Variants in PPFIA2 observed in about 807,000 individuals in gnomAD.
PPFIA2 encodes liprin-alpha-2.
A neutral mutation model predicts 175.5 loss-of-function variants in PPFIA2; 46 were observed. The ratio of observed to expected loss-of-function variants is 0.26; its 90% CI spans 0.21 to 0.34. The LOEUF is 0.34. Ranked by LOEUF, PPFIA2 falls within the 10% of genes least tolerant of loss-of-function variation. The pLI is 1.00. For missense variants in PPFIA2, 1,179 were observed against 1,506.1 expected (o/e 0.78, Z 3.60); for synonymous variants, 568 against 511.4 (o/e 1.11, Z -1.49).
At chr12:81,614,078 A>G (rs956540965) in intron 4 of PPFIA2, among the ~76,000 whole-genome samples, 2 of 152,134 alleles carry the variant, frequency 1.3e-5, no homozygotes, top group African/African-American at 4.8e-5. Context: ...ACTGTCTAGT[A>G]GGTTAGATTG....
At chr12:81,492,632 C>T (rs2059542189) in intron 4 of PPFIA2, among the ~76,000 whole-genome samples, 1 of 151,922 alleles carries the variant, frequency 6.6e-6, no homozygotes, top group African/African-American at 2.4e-5. Flanking sequence ...TCAGAGATGA[C>T]AGAGTACTTG....
At chr12:81,658,405 A>T (rs2068150008) in intron 4 of PPFIA2, among the ~76,000 whole-genome samples, 1 of 152,122 alleles carries the variant, frequency 6.6e-6, no homozygotes, top group African/African-American at 2.4e-5. Flanking sequence ...TACAACAGAC[A>T]TTACTAATAT....
At chr12:81,400,479 T>C (rs537478898) in intron 8 of PPFIA2, among the ~76,000 whole-genome samples, 1 of 152,318 alleles carries the variant, frequency 6.6e-6, no homozygotes, top group Non-Finnish European at 1.5e-5. Flanking sequence ...TTTACCGATC[T>C]GAGGATTATT....
At chr12:81,542,343 GCAC>G (rs1389344268) in intron 4 of PPFIA2, among the ~76,000 whole-genome samples, 7 of 152,120 alleles carry the variant, frequency 4.6e-5, no homozygotes, top group Non-Finnish European at 8.8e-5. Context: ...GGCTCTGCCA[GCAC>G]CTCACTTTAG....
At chr12:81,673,912 A>C (rs1435094247) in intron 4 of PPFIA2, among the ~76,000 whole-genome samples, 1 of 152,032 alleles carries the variant, frequency 6.6e-6, no homozygotes, top group African/African-American at 2.4e-5. Context: ...AATTTTCAAT[A>C]AAATCTATTG....
chr12:81,536,745 C>CATATATATATATATAT (rs3075445), intron 4 of PPFIA2, among the ~76,000 whole-genome samples: 20 of 136,664 alleles, frequency 1.5e-4, no homozygotes, highest in South Asian at 4.6e-4. Context: ...TATACATAAA[C>CATATATATATATATAT]ATATATATAT....
chr12:81,307,178 A>G (rs2049466597), intron 22 of PPFIA2, among the ~76,000 whole-genome samples: 1 of 152,174 alleles, frequency 6.6e-6, no homozygotes, highest in Non-Finnish European at 1.5e-5. Flanking sequence ...CTTCTCCTTT[A>G]AAATCTGGAA....
At position 81,620,348 on chromosome 12, in the gene PPFIA2, A is replaced by G. The variant is rs75966932; in HGVS notation, c.303+56443T>C. On this transcript the variant is annotated intron_variant, in intron 4 of 32. Coordinates refer to ENST00000549396, the MANE Select transcript of PPFIA2 (RefSeq NM_003625.5). ...TTTAAGGAAAAAAGTTTATTCCAGG[A>G]AAACTCCAAACAATAATGATTCACA... 7.2e-4 allele frequency among the ~76,000 whole-genome samples: 109 copies of G among 152,278 alleles called. No individual in the cohort carries two copies. In the East Asian group the frequency reaches 8.5e-3, roughly 12 times the overall value.
intron 23 of PPFIA2, chr12:81,298,261 G>A (rs1005021751): frequency 1.3e-5 from 2 of 152,108 alleles, no homozygotes; most frequent in Non-Finnish European, 2.9e-5. Flanking sequence ...AATATCTGAT[G>A]GCTAATATGC....
intron 7 of PPFIA2, among the ~76,000 whole-genome samples, chr12:81,406,343 G>C (rs565362434): frequency 2.5e-4 from 38 of 151,848 alleles, no homozygotes; most frequent in Admixed American, 2.5e-3. Flanking sequence ...CAGCAATTTC[G>C]CCTACACTGA....
Position 81,259,639 on chromosome 12 carries a change from G to C in PPFIA2, c.*55C>G. 6.5e-7 allele frequency: 1 copy of C among 1,534,372 alleles called. No individual in the cohort carries two copies. Among genetic ancestry groups the C allele is most frequent in the Non-Finnish European group, 8.7e-7 (1 of 1,145,554 alleles). On this transcript the variant is annotated 3_prime_UTR_variant, in exon 33 of 33. Transcript: ENST00000549396. ...CTTAGATGGTAGTGCACTTTAGGTA[G>C]AGTAGACTGAAAAGACGCCATCTAA...
At chr12:81,543,718 C>T (rs1275555298) in intron 4 of PPFIA2, among the ~76,000 whole-genome samples, 2 of 151,866 alleles carry the variant, frequency 1.3e-5, no homozygotes, top group African/African-American at 2.4e-5. Flanking sequence ...GTGAAGAAAC[C>T]CGACAAACAA....
chr12:81,266,477 T>C (rs1445432342), intron 30 of PPFIA2, among the ~76,000 whole-genome samples: 4 of 152,184 alleles, frequency 2.6e-5, no homozygotes, highest in Non-Finnish European at 5.9e-5. Context: ...TTAATCTGTT[T>C]TGAAGGAAAA....
At chr12:81,384,690 TAA>T (rs1335353756) in intron 8 of PPFIA2, among the ~76,000 whole-genome samples, 1 of 152,120 alleles carries the variant, frequency 6.6e-6, no homozygotes, top group East Asian at 1.9e-4. Context: ...TGTAAATTTT[TAA>T]GTTTTATTTT....
At position 81,405,824 on chromosome 12, in the gene PPFIA2, A is replaced by G. The variant is rs1323463614; in HGVS notation, c.725T>C (p.Leu242Pro). 1.3e-6 allele frequency: 2 copies of G among 1,580,962 alleles called. No homozygotes were observed. Among genetic ancestry groups the G allele is most frequent in the East Asian group, 2.3e-5 (1 of 43,876 alleles). The change falls in exon 8 of 33, where the codon CTT (leucine) becomes CCT (proline). Residue 242 changes from leucine (L) to proline (P), a missense_variant. Leu to Pro is a moderately conservative substitution (Grantham distance 98). This residue lies in a region of PPFIA2 where 226 missense variants were observed against 216.6 expected (regional missense o/e 1.04). Transcript: ENST00000549396. ...TTTCTGTCCAGGTTCCATCCCTTCAAGATGTTCTGACTCTGTGGATCCCTC... is the reference window on the plus strand; with the variant it reads ...TTTCTGTCCAGGTTCCATCCCTTCAGGATGTTCTGACTCTGTGGATCCCTC... ...SSEGSTESEH[L>P]EGMEPGQKVH... is the part of the protein sequence containing the mutation.
At chr12:81,583,810 G>T (rs917104142) in intron 4 of PPFIA2, among the ~76,000 whole-genome samples, 2 of 151,880 alleles carry the variant, frequency 1.3e-5, no homozygotes, top group African/African-American at 2.4e-5. Flanking sequence ...AAAAATTCTA[G>T]GGAATGTCTG....
intron 8 of PPFIA2, among the ~76,000 whole-genome samples, chr12:81,387,373 C>A (rs12425269): frequency 0.16 from 24,253 of 151,880 alleles, 2,683 homozygotes; most frequent in East Asian, 0.42. Context: ...TTTAGGAATG[C>A]AAATGACACA....
intron 4 of PPFIA2, among the ~76,000 whole-genome samples, chr12:81,668,395 TGGA>T (rs1228328004): frequency 2.0e-5 from 3 of 152,056 alleles, no homozygotes; most frequent in Non-Finnish European, 4.4e-5. Flanking sequence ...CCAAATTTAC[TGGA>T]GAAGAAACAA....
At chr12:81,665,371 T>C (rs936741344) in intron 4 of PPFIA2, among the ~76,000 whole-genome samples, 5 of 152,028 alleles carry the variant, frequency 3.3e-5, no homozygotes, top group Admixed American at 6.6e-5. Flanking sequence ...ATTTCCAAAA[T>C]GCTTCCCACA....
Sources: gnomAD v4.1 joint callset for allele counts (sites outside exome capture counted in the v4.1 genomes callset) on GRCh38, gnomAD v4.1.1 for gene constraint, gnomAD v4.1.1 regional missense constraint, MANE v1.5 for transcripts, NCBI Gene and HGNC (gene_info 2026-07-23, HGNC 2026-07-21) for gene names.